NAALADL2: variants seen among roughly 807,000 people sequenced by gnomAD.
NAALADL2 encodes N-acetylated alpha-linked acidic dipeptidase like 2, also known as inactive N-acetylated-alpha-linked acidic dipeptidase-like protein 2.
In NAALADL2, 76 loss-of-function variants were observed where a neutral mutation model predicts 87.2. That is an observed-to-expected ratio of 0.87 (90% CI 0.72 to 1.05). The LOEUF is 1.05. Ranked by LOEUF, NAALADL2 falls within the 50% of genes least tolerant of loss-of-function variation. NAALADL2 has a pLI of 0.00. For synonymous variants in NAALADL2, 354 were observed against 331.0 expected (o/e 1.07, Z -0.75); for missense variants, 1,089 against 945.8 (o/e 1.15, Z -1.99).
intron 3 of NAALADL2, among the ~76,000 whole-genome samples, chr3:175,254,897 A>G (rs1327900693): frequency 6.6e-6 from 1 of 152,202 alleles, no homozygotes; most frequent in African/African-American, 2.4e-5. Context: ...AATTTCCCTG[A>G]CAAATGCATT....
intron 4 of NAALADL2, among the ~76,000 whole-genome samples, chr3:175,288,698 C>G (rs1045024968): frequency 6.6e-6 from 1 of 152,138 alleles, no homozygotes; most frequent in Non-Finnish European, 1.5e-5. Flanking sequence ...CTTGTCCGTT[C>G]CATGGGATGC....
chr3:174,545,703 T>A (rs991601854), intron 1 of NAALADL2, among the ~76,000 whole-genome samples: 1 of 152,038 alleles, frequency 6.6e-6, no homozygotes. Context: ...TTTCCTGTGA[T>A]TTCTGTCTTC....
chr3:174,809,838 A>G (rs1036418428), intron 3 of NAALADL2, among the ~76,000 whole-genome samples: 26 of 152,132 alleles, frequency 1.7e-4, no homozygotes, highest in African/African-American at 6.0e-4. Flanking sequence ...ATGGGAGGTG[A>G]TCAGATTATG....
chr3:175,462,763 T>C (rs1054315771), intron 6 of NAALADL2, among the ~76,000 whole-genome samples: 1 of 152,158 alleles, frequency 6.6e-6, no homozygotes, highest in Non-Finnish European at 1.5e-5. Context: ...ATTTGCAAAA[T>C]TTTTGAATAT....
At chr3:175,508,984 C>T (rs190436894) in intron 9 of NAALADL2, among the ~76,000 whole-genome samples, 103 of 151,974 alleles carry the variant, frequency 6.8e-4, no homozygotes, top group East Asian at 4.1e-3. Context: ...GGCCTGCTAG[C>T]GCACATCTGT....
intron 12 of NAALADL2, among the ~76,000 whole-genome samples, chr3:175,749,419 C>T (rs558047501): frequency 6.6e-6 from 1 of 152,094 alleles, no homozygotes; most frequent in African/African-American, 2.4e-5. Flanking sequence ...TCTCACTGTT[C>T]TGGAGGTTTG....
intron 2 of NAALADL2, among the ~76,000 whole-genome samples, chr3:174,668,307 ATTGCCTT>A (rs1726169111): frequency 6.6e-6 from 1 of 152,026 alleles, no homozygotes; most frequent in South Asian, 2.1e-4. Context: ...CTTTCCATAC[ATTGCCTT>A]TCACTCCCTT....
intron 11 of NAALADL2, among the ~76,000 whole-genome samples, chr3:175,698,920 A>G (rs1171498103): frequency 2.6e-5 from 4 of 151,996 alleles, no homozygotes; most frequent in African/African-American, 2.4e-5. Flanking sequence ...CTAAGCACAC[A>G]TAAAACTATC....
At chr3:174,641,309 GT>G (rs1241581819) in intron 2 of NAALADL2, among the ~76,000 whole-genome samples, 3 of 152,190 alleles carry the variant, frequency 2.0e-5, no homozygotes, top group African/African-American at 7.2e-5. Flanking sequence ...CTGAGCGGAG[GT>G]TCAGCAGCTC....
chr3:175,073,827 C>A (rs1559990831), intron 1 of NAALADL2, among the ~76,000 whole-genome samples: 1 of 151,960 alleles, frequency 6.6e-6, no homozygotes, highest in African/African-American at 2.4e-5. Flanking sequence ...TTATAAAAGA[C>A]AGTAATTCGA....
intron 2 of NAALADL2, among the ~76,000 whole-genome samples, chr3:174,563,756 C>G (rs1713905833): frequency 6.6e-6 from 1 of 152,034 alleles, no homozygotes; most frequent in Admixed American, 6.6e-5. Flanking sequence ...ACATTCTGAT[C>G]AGAGAAGGTG....
intron 1 of NAALADL2, among the ~76,000 whole-genome samples, chr3:174,538,034 G>A (rs576032916): frequency 6.6e-6 from 1 of 152,270 alleles, no homozygotes; most frequent in East Asian, 1.9e-4. Flanking sequence ...TATTTATAGT[G>A]TGGAATGATA....
intron 2 of NAALADL2, among the ~76,000 whole-genome samples, chr3:175,192,820 T>G (rs1159201404): frequency 6.6e-6 from 1 of 152,068 alleles, no homozygotes; most frequent in African/African-American, 2.4e-5. Flanking sequence ...ATTGATAATT[T>G]TTAATGTTAT....
In NAALADL2 at chr3:175,806,815, G is replaced by A. The variant is rs1754749895; in HGVS notation, c.*3612G>A. The stretch of plus-strand genomic sequence containing the variant: ...ATGATGAGGCATATTTCTCTTCTGG[G>A]CCCACTGTATTCAGTTCTTTGTTCT... On this transcript the variant is annotated 3_prime_UTR_variant, in exon 14 of 14. Transcript: ENST00000454872. The A allele has an allele frequency of 6.7e-6, 1 of 149,420 alleles. No individual in the cohort carries two copies. Among genetic ancestry groups the A allele is most frequent in the Non-Finnish European group, 1.5e-5 (1 of 67,380 alleles). 9.3% of individuals were successfully genotyped at this position (149,420 alleles called of 1,614,324 possible).
chr3:174,540,442 C>T (rs756695563), intron 1 of NAALADL2, among the ~76,000 whole-genome samples: 2 of 152,188 alleles, frequency 1.3e-5, no homozygotes, highest in Non-Finnish European at 2.9e-5. Flanking sequence ...CCTTAATGTA[C>T]ATTTTAACAA....
intron 3 of NAALADL2, among the ~76,000 whole-genome samples, chr3:174,781,065 T>C (rs941847667): frequency 2.2e-4 from 34 of 152,104 alleles, no homozygotes; most frequent in African/African-American, 8.0e-4. Context: ...TATGAAATTC[T>C]GGGTTGAAAA....
At chr3:175,341,163 C>G (rs1762533133) in intron 5 of NAALADL2, among the ~76,000 whole-genome samples, 1 of 152,094 alleles carries the variant, frequency 6.6e-6, no homozygotes. Flanking sequence ...GTTCCCCATT[C>G]TCTCCTCCCT....
chr3:174,882,520 C>CATACACACATATGTACATATGTGT (rs1560317992), intron 1 of NAALADL2, among the ~76,000 whole-genome samples: 1 of 147,640 alleles, frequency 6.8e-6, no homozygotes, highest in Admixed American at 6.7e-5. Context: ...TACATATGTG[C>CATACACACATATGTACATATGTGT]ATATACACAT....
intron 3 of NAALADL2, among the ~76,000 whole-genome samples, chr3:174,752,328 G>T (rs1353922596): frequency 3.3e-5 from 5 of 152,082 alleles, no homozygotes; most frequent in African/African-American, 1.2e-4. Flanking sequence ...TTGGACTGCT[G>T]CTATTGCATT....
Sources: gnomAD v4.1 joint callset for allele counts (sites outside exome capture counted in the v4.1 genomes callset) on GRCh38, gnomAD v4.1.1 for gene constraint, MANE v1.5 for transcripts, NCBI Gene and HGNC (gene_info 2026-07-23, HGNC 2026-07-21) for gene names.